CATSPER4: variants seen among roughly 807,000 people sequenced by gnomAD.
CATSPER4 encodes the protein cation channel sperm associated 4.
A neutral mutation model predicts 54.4 loss-of-function variants in CATSPER4; 46 were observed. The ratio of observed to expected loss-of-function variants is 0.84; its 90% CI spans 0.67 to 1.08. The LOEUF (loss-of-function observed/expected upper bound fraction) is 1.08. CATSPER4 is among the 50% of genes least tolerant of loss of function. The pLI is 0.00. For synonymous variants in CATSPER4, 230 were observed against 231.9 expected, an observed-to-expected ratio of 0.99 and a Z score of 0.08; for missense variants, 574 against 612.8, an observed-to-expected ratio of 0.94 and a Z score of 0.67.
At chr1:26,192,958 C>T (rs1030933284) in intron 2 of CATSPER4, among the ~76,000 whole-genome samples, 2 of 151,844 alleles carry the variant, frequency 1.3e-5, no homozygotes, top group Admixed American at 1.3e-4. Flanking sequence ...ACAAAATTAG[C>T]CAGGCATGGT....
chr1:26,197,849 A>T, intron 4 of CATSPER4, 66 bp downstream of exon 4: 1 of 1,606,328 alleles, frequency 6.2e-7, no homozygotes, highest in Non-Finnish European at 8.5e-7. Flanking sequence ...ATGGGGGGAT[A>T]ACGACCAGCT....
rs749608817 is a variant in CATSPER4, at chr1:26,190,661, T to A, written c.34T>A (p.Trp12Arg). 1 of 1,607,870 alleles carries A rather than the reference T, an allele frequency of 6.2e-7. No homozygotes were observed. ...RDNEKAWWQQWTSHTGLEGWG... is the reference protein window; with the variant it reads ...RDNEKAWWQQRTSHTGLEGWG... ...TAATGAAAAGGCCTGGTGGCAGCAATGGACCTCCCATACAGGCCTCGAGGG... is the reference window on the plus strand; with the variant it reads ...TAATGAAAAGGCCTGGTGGCAGCAAAGGACCTCCCATACAGGCCTCGAGGG... The change falls in exon 1 of 10, where the codon TGG becomes AGG. Residue 12 changes from tryptophan (W) to arginine (R), a missense_variant. Trp to Arg is a moderately radical substitution (Grantham distance 101). Transcript: ENST00000456354.
At chr1:26,195,284 C>A (rs1043319103) in intron 3 of CATSPER4, among the ~76,000 whole-genome samples, 1 of 151,714 alleles carries the variant, frequency 6.6e-6, no homozygotes, top group Non-Finnish European at 1.5e-5. Context: ...AAAGGAATAC[C>A]CGAGGTTGAA....
In CATSPER4 at chr1:26,190,754, T is replaced by C; in HGVS notation, c.127T>C (p.Ser43Pro). ...GAVAALRGRP[S>P]PLQSTIHESY... ...AGTAGCTGCACTGAGGGGCCGCCCC[T>C]CTCCCCTGCAGAGTACCATTCACGA... is the stretch of plus-strand genomic sequence containing the variant. The change falls in exon 1 of 10, where the codon TCT (serine) becomes CCT (proline). Residue 43 changes from serine to proline, a missense_variant. Coordinates refer to ENST00000456354, the MANE Select transcript of CATSPER4 (RefSeq NM_198137.2). 6.2e-7 allele frequency: 1 copy of C among 1,613,392 alleles called. No individual in the cohort carries two copies. Among genetic ancestry groups the C allele is most frequent in the Admixed American group, 1.7e-5 (1 of 59,950 alleles).
intron 2 of CATSPER4, among the ~76,000 whole-genome samples, chr1:26,192,034 T>G (rs1208694925): frequency 6.6e-6 from 1 of 151,020 alleles, no homozygotes; most frequent in Non-Finnish European, 1.5e-5. Flanking sequence ...CAAAGAGAGG[T>G]GGGGGAGACT....
At position 26,202,616 on chromosome 1, in the gene CATSPER4, C is replaced by A; in HGVS notation, c.*74C>A. On this transcript the variant is annotated 3_prime_UTR_variant, in exon 10 of 10. Transcript: ENST00000456354. ...GCGTCTTCCTGTGTCCTTAGTGTGG[C>A]TTGGCAGAGCCTGGCCAGAGCCCAT... 1.4e-6 allele frequency: 2 copies of A among 1,414,792 alleles called. No homozygotes were observed. Among genetic ancestry groups the A allele is most frequent in the Non-Finnish European group, 9.8e-7 (1 of 1,016,416 alleles). The allele number at this position is 1,414,792 out of a possible 1,614,324, so 87.6% of individuals were successfully genotyped here. A position where few individuals can be genotyped will look rare whatever the true frequency, so the allele number is the denominator to read the frequency against.
intron 3 of CATSPER4, among the ~76,000 whole-genome samples, chr1:26,196,846 C>T (rs967790606): frequency 1.3e-5 from 2 of 151,888 alleles, no homozygotes; most frequent in African/African-American, 4.8e-5. Flanking sequence ...CATCTCATTC[C>T]TGTGTAAGTG....
chr1:26,195,157 G>A (rs1432434849), intron 3 of CATSPER4, among the ~76,000 whole-genome samples: 2 of 152,224 alleles, frequency 1.3e-5, no homozygotes, highest in Non-Finnish European at 2.9e-5. Context: ...GGTACACACA[G>A]AATTCTTGCT....
intron 3 of CATSPER4, among the ~76,000 whole-genome samples, chr1:26,194,870 T>C (rs2088913325): frequency 6.6e-6 from 1 of 152,110 alleles, no homozygotes; most frequent in South Asian, 2.1e-4. Flanking sequence ...GAGGATCACT[T>C]GAGGCTAGGA....
At chr1:26,197,436 A>G (rs994782003) in intron 3 of CATSPER4, among the ~76,000 whole-genome samples, 2 of 152,194 alleles carry the variant, frequency 1.3e-5, no homozygotes, top group African/African-American at 2.4e-5. Context: ...CCAGCCATGT[A>G]TCTGTAAGGG....
chr1:26,199,033 G>A (rs952753039), intron 6 of CATSPER4, among the ~76,000 whole-genome samples: 4 of 152,318 alleles, frequency 2.6e-5, no homozygotes, highest in Admixed American at 2.0e-4. Flanking sequence ...GGGGCCGGGC[G>A]CGGTGGCTCA....
At position 26,201,414 on chromosome 1, in the gene CATSPER4, C is replaced by T. The variant is rs1463973566; in HGVS notation, c.1260C>T (p.Asn420=). The change falls in exon 9 of 10, where the codon AAC becomes AAT. Residue 420 remains asparagine (N), a synonymous_variant. Transcript: ENST00000456354. Reference sequence around the variant, plus strand: ...AGGAGCAGGAGTCAGAGGTGTTGAACAGGCGCTCGTCGACGAGCGGGTCGT... The same window carrying T: ...AGGAGCAGGAGTCAGAGGTGTTGAATAGGCGCTCGTCGACGAGCGGGTCGT... ...FNQEQESEVL[N]RRSSTSGSLE... is the part of the protein sequence containing the mutation. The T allele has an allele frequency of 1.2e-6, 2 of 1,614,022 alleles. No individual in the cohort carries two copies. The highest frequency in any genetic ancestry group is 1.3e-5 in the African/African-American group (1 of 74,934).
chr1:26,195,461 A>G (rs2088925473), intron 3 of CATSPER4, among the ~76,000 whole-genome samples: 1 of 151,738 alleles, frequency 6.6e-6, no homozygotes, highest in African/African-American at 2.4e-5. Context: ...AGAGAGAGTG[A>G]GAGGGGAGAT....
In CATSPER4 at chr1:26,192,168, C is replaced by G. The variant is rs1443660106; in HGVS notation, c.357+738C>G. Among the ~76,000 whole-genome samples the G allele has an allele frequency of 4.0e-5, 6 of 151,082 alleles. No homozygotes were observed. In the South Asian group the frequency reaches 1.3e-3, roughly 32 times the overall value. ...TTAGAGACAAGGTCTCACTCTGTCA[C>G]CCAGGCTGGTGTGCAGTGGCGCCAT... On this transcript the variant is annotated intron_variant, in intron 2 of 9. Transcript: ENST00000456354.
At chr1:26,199,853 A>C (rs878982137) in intron 6 of CATSPER4, 31 bp from the exon 7 acceptor site, 1 of 1,611,640 alleles carries the variant, frequency 6.2e-7, no homozygotes, top group African/African-American at 1.3e-5. Context: ...AGGGCCAGGG[A>C]AATGATGGGG....
In CATSPER4 at chr1:26,198,155, T is replaced by G. The variant is rs1427980393; in HGVS notation, c.678+78T>G. 9 of 1,613,900 alleles carry G rather than the reference T, an allele frequency of 5.6e-6. No homozygotes were observed. The African/African-American group carries it at 1.2e-4, about 22-fold the overall frequency. On this transcript the variant is annotated intron_variant, in intron 5 of 9. Coordinates refer to ENST00000456354, the MANE Select transcript of CATSPER4 (RefSeq NM_198137.2). ...GGGTCATTGCAAATAGAGGGGTGTC[T>G]GGAAAAGCAGAGAGGCCTGTGGGCC... is the stretch of plus-strand genomic sequence containing the variant.
At position 26,192,529 on chromosome 1, in the gene CATSPER4, G is replaced by A. The variant is rs556155960; in HGVS notation, c.357+1099G>A. 2.0e-3 allele frequency among the ~76,000 whole-genome samples: 306 copies of A among 151,876 alleles called. 1 individual carries two copies. The highest frequency in any genetic ancestry group is 7.0e-3 in the African/African-American group (292 of 41,480). On this transcript the variant is annotated intron_variant, in intron 2 of 9. Transcript: ENST00000456354. The stretch of plus-strand genomic sequence containing the variant: ...CGCTTGAAGCAGGGAGGCGGAGGTT[G>A]CGGTGAGCCGAGTTTGTGCCACTGC...
At chr1:26,200,194 C>G in intron 7 of CATSPER4, 136 bp downstream of exon 7, 1 of 1,000,202 alleles carries the variant, frequency 1.0e-6, no homozygotes, top group Non-Finnish European at 1.5e-6. Flanking sequence ...GAGGCAGCAG[C>G]CCCCCATCTT....
rs376569258 is a variant in CATSPER4 at position 26,196,144 on chromosome 1, CT to C, written c.460-1525del. ...ATCTTTCTCATTTTTCTTTCTTTTC[CT>C]TTTTTTTTTTTTTTTTCTTTAGAGA... On this transcript the variant is annotated intron_variant, in intron 3 of 9. Transcript: ENST00000456354. Among the ~76,000 whole-genome samples, 919 of 125,260 alleles carry C rather than the reference CT, an allele frequency of 7.3e-3. 2 individuals carry two copies. The highest frequency in any genetic ancestry group is 0.011 in the Admixed American group (128 of 11,878). The allele number at this position is 125,260 out of a possible 152,430, so 82.2% of individuals were successfully genotyped here.
Sources: gnomAD v4.1 joint callset for allele counts (sites outside exome capture counted in the v4.1 genomes callset) on GRCh38, gnomAD v4.1.1 for gene constraint, MANE v1.5 for transcripts, NCBI Gene and HGNC (gene_info 2026-07-23, HGNC 2026-07-21) for gene names.